The following PIK3C2G variants were observed in gnomAD, a reference collection of about 807,000 sequenced individuals.
The protein encoded by PIK3C2G is phosphatidylinositol 3-kinase C2 domain-containing subunit gamma.
Under a neutral mutation model 181.1 loss-of-function variants are expected in PIK3C2G, and 168 were observed. That is an observed-to-expected ratio of 0.93 (90% CI 0.82 to 1.05). The LOEUF is 1.05. PIK3C2G is among the 50% of genes least tolerant of loss of function. The pLI is 0.00. For synonymous variants in PIK3C2G, 573 were observed against 592.2 expected (o/e 0.97, Z 0.47); for missense variants, 1,869 against 1,732.8 (o/e 1.08, Z -1.40).
Position 18,320,971 on chromosome 12 carries a change from G to T in PIK3C2G, c.1147G>T (p.Asp383Tyr). 6.4e-7 allele frequency: 1 copy of T among 1,559,924 alleles called. No homozygotes were observed. Among genetic ancestry groups the T allele is most frequent in the Non-Finnish European group, 8.8e-7 (1 of 1,135,392 alleles). Reference protein sequence around the residue: ...PGKLSRKHEEDHSQFYLNQLL... With the variant: ...PGKLSRKHEEYHSQFYLNQLL... The stretch of plus-strand genomic sequence containing the variant: ...ATTCTGCTGTCTACAGCATGAAGAG[G>T]ACCACAGTCAGTTTTATCTGAATCA... The change falls in exon 7 of 33, where the codon GAC becomes TAC. Residue 383 changes from aspartate to tyrosine, a missense_variant. Asp to Tyr is a radical substitution (Grantham distance 160). Transcript: ENST00000538779.
At chr12:18,497,296 C>A (rs575063026) in intron 21 of PIK3C2G, among the ~76,000 whole-genome samples, 1 of 152,150 alleles carries the variant, frequency 6.6e-6, no homozygotes, top group South Asian at 2.1e-4. Context: ...AATAAACATT[C>A]ATCCAGCCTG....
At chr12:18,311,918 G>T (rs1239883539) in intron 5 of PIK3C2G, among the ~76,000 whole-genome samples, 1 of 152,108 alleles carries the variant, frequency 6.6e-6, no homozygotes, top group African/African-American at 2.4e-5. Context: ...CCTTCAGTCT[G>T]TGGATGAAAG....
chr12:18,365,434 C>T lies in PIK3C2G; in HGVS notation c.1748+2548C>T, dbSNP rs1280067327. Reference sequence around the variant, plus strand: ...ACATACTCCAATCAGGCTTTCATCACCTCTGCTCCACTGAAATTGTCACCA... The same window carrying T: ...ACATACTCCAATCAGGCTTTCATCATCTCTGCTCCACTGAAATTGTCACCA... On this transcript the variant is annotated intron_variant, in intron 12 of 32. Transcript: ENST00000538779. Among the ~76,000 whole-genome samples, 3 of 152,292 alleles carry T rather than the reference C, an allele frequency of 2.0e-5. No individual in the cohort carries two copies. In the South Asian group the frequency reaches 6.2e-4, roughly 32 times the overall value.
At chr12:18,519,001 A>G (rs1475997154) in intron 24 of PIK3C2G, among the ~76,000 whole-genome samples, 1 of 152,242 alleles carries the variant, frequency 6.6e-6, no homozygotes, top group Non-Finnish European at 1.5e-5. Context: ...CCCAGGAGTC[A>G]TTCAGGAGCT....
At chr12:18,631,379 C>T (rs1796463838) in intron 31 of PIK3C2G, among the ~76,000 whole-genome samples, 2 of 152,148 alleles carry the variant, frequency 1.3e-5, no homozygotes, top group Admixed American at 6.5e-5. Context: ...TCAAGGACCT[C>T]GTCAAAGACA....
intron 24 of PIK3C2G, among the ~76,000 whole-genome samples, chr12:18,527,205 C>T (rs1386619840): frequency 2.6e-5 from 4 of 152,032 alleles, no homozygotes; most frequent in Admixed American, 1.3e-4. Flanking sequence ...ATGTGCTTGC[C>T]AATATAAGGA....
At chr12:18,696,322 C>CTATATATAAATATATATATATA in the PIK3C2G span, 1 of 253,072 alleles carries the variant, frequency 4.0e-6, no homozygotes, top group Non-Finnish European at 6.8e-6. Flanking sequence ...TAAAAAGCCA[C>CTATATATAAATATATATATATA]TATATATATA....
At chr12:18,668,917 G>T in the PIK3C2G span, among the ~76,000 whole-genome samples, 1 of 152,002 alleles carries the variant, frequency 6.6e-6, no homozygotes, top group Non-Finnish European at 1.5e-5. Context: ...CAGCAAAGAC[G>T]AAATAAATTA....
chr12:18,425,386 CTTTTTTTTTTTTTT>C (rs1228477062), intron 18 of PIK3C2G, among the ~76,000 whole-genome samples: 1 of 65,312 alleles, frequency 1.5e-5, no homozygotes, highest in Non-Finnish European at 2.7e-5. Flanking sequence ...ACAGACATTT[CTTTTTTTTTTTTTT>C]TTTTTTTTTT....
At chr12:18,306,499 C>T (rs1950426459) in intron 5 of PIK3C2G, among the ~76,000 whole-genome samples, 1 of 152,032 alleles carries the variant, frequency 6.6e-6, no homozygotes, top group Non-Finnish European at 1.5e-5. Context: ...TGACCTTTAT[C>T]TATGCTGAGT....
At chr12:18,573,465 T>A (rs1484728655) in intron 29 of PIK3C2G, among the ~76,000 whole-genome samples, 1 of 152,158 alleles carries the variant, frequency 6.6e-6, no homozygotes, top group East Asian at 1.9e-4. Flanking sequence ...CTTCTCAGCC[T>A]CTCAACTGCT....
intron 25 of PIK3C2G, 146 bp from the exon 26 acceptor site, chr12:18,546,177 T>A: frequency 1.7e-6 from 1 of 585,010 alleles, no homozygotes; most frequent in Non-Finnish European, 3.1e-6. Context: ...CGCACGAACT[T>A]ATATGCATTC....
intron 29 of PIK3C2G, among the ~76,000 whole-genome samples, chr12:18,584,807 C>T (rs990392831): frequency 6.6e-6 from 1 of 151,964 alleles, no homozygotes; most frequent in African/African-American, 2.4e-5. Context: ...GGGAAGGTCA[C>T]CTACAAAGGG....
chr12:18,500,242 G>C (rs1054836634), intron 22 of PIK3C2G, among the ~76,000 whole-genome samples: 3 of 151,800 alleles, frequency 2.0e-5, no homozygotes, highest in Non-Finnish European at 4.4e-5. Flanking sequence ...CACTCGGAGC[G>C]GCCGGCCGGC....
At chr12:18,347,418 A>G (rs1218889472) in intron 11 of PIK3C2G, among the ~76,000 whole-genome samples, 1 of 152,180 alleles carries the variant, frequency 6.6e-6, no homozygotes, top group Non-Finnish European at 1.5e-5. Context: ...TAATATAGAG[A>G]TAATTAAAGT....
the PIK3C2G span, among the ~76,000 whole-genome samples, chr12:18,656,085 ACCAG>A: frequency 6.6e-6 from 1 of 152,210 alleles, no homozygotes; most frequent in Non-Finnish European, 1.5e-5. Context: ...GGAGAGTGAC[ACCAG>A]CAAAAATGGT....
intron 24 of PIK3C2G, among the ~76,000 whole-genome samples, chr12:18,509,289 T>C (rs925566547): frequency 1.2e-4 from 19 of 152,090 alleles, no homozygotes; most frequent in Non-Finnish European, 2.6e-4. Context: ...CTCAGGCAAT[T>C]CGCCCGCCTC....
intron 12 of PIK3C2G, among the ~76,000 whole-genome samples, chr12:18,367,511 T>A (rs1286335130): frequency 6.6e-6 from 1 of 152,168 alleles, no homozygotes; most frequent in Non-Finnish European, 1.5e-5. Context: ...CACAGTGTCA[T>A]AAAGATACTA....
intron 18 of PIK3C2G, among the ~76,000 whole-genome samples, chr12:18,471,838 G>A (rs1279551998): frequency 6.6e-6 from 1 of 151,934 alleles, no homozygotes; most frequent in East Asian, 1.9e-4. Context: ...ATGCTTCAAT[G>A]GCTTTCTCAT....
Sources: allele counts gnomAD v4.1 joint callset (sites outside exome capture counted in the v4.1 genomes callset), GRCh38; gene constraint gnomAD v4.1.1; transcripts MANE v1.5; gene names NCBI Gene and HGNC (gene_info 2026-07-23, HGNC 2026-07-21).